Variants in MICAL2 observed in about 807,000 individuals in gnomAD.
MICAL2 encodes microtubule associated monooxygenase, calponin and LIM domain containing 2, also known as [F-actin]-monooxygenase MICAL2.
Under a neutral mutation model 127.3 loss-of-function variants are expected in MICAL2, and 77 were observed. The observed-to-expected ratio is 0.60, with a 90% CI of 0.50 to 0.73. The LOEUF (loss-of-function observed/expected upper bound fraction) is 0.73, where lower values mean the gene tolerates loss of function less well. Among genes scored for constraint, MICAL2 ranks in the 30% least tolerant of loss-of-function variants. The pLI is 0.00. For missense variants in MICAL2, 1,351 were observed against 1,434.4 expected, an observed-to-expected ratio of 0.94 and a Z score of 0.94; for synonymous variants, 570 against 551.1, an observed-to-expected ratio of 1.03 and a Z score of -0.48.
In MICAL2 at chr11:12,256,781, C is replaced by T; in HGVS notation, c.2956-4C>T. ...TACACCCACTCTTCTCTCCCGATCC[C>T]CAGGAATCTATGCGAAAGTCATTTC... is the stretch of plus-strand genomic sequence containing the variant. On this transcript the variant is annotated splice_polypyrimidine_tract_variant and splice_region_variant and intron_variant, in intron 23 of 27. Transcript: ENST00000683283. 6.2e-7 allele frequency: 1 copy of T among 1,607,430 alleles called. No homozygotes were observed. Among genetic ancestry groups the T allele is most frequent in the African/African-American group, 1.3e-5 (1 of 74,976 alleles).
chr11:12,292,938 G>C (rs1424767300), downstream of MICAL2, among the ~76,000 whole-genome samples: 1 of 152,106 alleles, frequency 6.6e-6, no homozygotes, highest in Non-Finnish European at 1.5e-5. Context: ...TCTTTGCCAA[G>C]GGCCAAGTTC....
At chr11:12,156,474 C>T (rs937916775) in intron 2 of MICAL2, among the ~76,000 whole-genome samples, 2 of 152,130 alleles carry the variant, frequency 1.3e-5, no homozygotes, top group Non-Finnish European at 2.9e-5. Context: ...GAGCAGGCAG[C>T]CCCAGGAGGC....
intron 2 of MICAL2, among the ~76,000 whole-genome samples, chr11:12,140,469 A>C (rs1852240751): frequency 6.6e-6 from 1 of 151,408 alleles, no homozygotes; most frequent in Admixed American, 6.6e-5. Flanking sequence ...GAGCTCAATA[A>C]ACACTTGTGG....
At chr11:12,241,680 A>T (rs945552197) in intron 18 of MICAL2, among the ~76,000 whole-genome samples, 1 of 152,180 alleles carries the variant, frequency 6.6e-6, no homozygotes, top group African/African-American at 2.4e-5. Context: ...AGTGCTCCTG[A>T]GTTTGGAATC....
chr11:12,308,354 G>A (rs1214770254), intron 29 of MICAL2: 1 of 152,194 alleles, frequency 6.6e-6, no homozygotes, highest in African/African-American at 2.4e-5. Context: ...CTATAGATCA[G>A]TTTGGGATAA....
intron 34 of MICAL2, among the ~76,000 whole-genome samples, chr11:12,357,859 A>G (rs1217937488): frequency 2.0e-5 from 3 of 152,134 alleles, no homozygotes; most frequent in Admixed American, 2.0e-4. Context: ...AAAGAAAAAA[A>G]AGATTGTGGT....
rs531458530 is a variant in MICAL2 at position 12,145,950 on chromosome 11, T to C, written c.-78+7490T>C. Among the ~76,000 whole-genome samples the C allele has an allele frequency of 3.3e-5, 5 of 152,344 alleles. No individual in the cohort carries two copies. In the East Asian group the frequency reaches 9.6e-4, roughly 29 times the overall value. ...ACAACAAAGCTTCTGTAATTGTATA[T>C]CAGGAAATTAATCCTGAAATTGGTG... On this transcript the variant is annotated intron_variant, in intron 2 of 27. Coordinates refer to ENST00000683283, the MANE Select transcript of MICAL2 (RefSeq NM_001282663.2).
intron 32 of MICAL2, among the ~76,000 whole-genome samples, chr11:12,348,307 G>T (rs1938989424): frequency 6.6e-6 from 1 of 152,152 alleles, no homozygotes; most frequent in African/African-American, 2.4e-5. Flanking sequence ...TTGAAGTGCA[G>T]CAAATTTGTG....
At chr11:12,294,411 C>T (rs770891212), downstream of MICAL2, 1 of 1,614,222 alleles carries the variant, frequency 6.2e-7, no homozygotes, top group South Asian at 1.1e-5. Context: ...GACCAGCATT[C>T]CCCTGGGAGA....
intron 30 of MICAL2, among the ~76,000 whole-genome samples, chr11:12,320,242 T>C (rs1456187599): frequency 3.3e-5 from 5 of 152,328 alleles, no homozygotes; most frequent in East Asian, 1.9e-4. Context: ...AAATGAACCA[T>C]GCAGTTGCAT....
intron 22 of MICAL2, among the ~76,000 whole-genome samples, chr11:12,250,791 A>G (rs529263990): frequency 6.6e-6 from 1 of 152,336 alleles, no homozygotes; most frequent in South Asian, 2.1e-4. Context: ...AGATTGTCCA[A>G]CTTTGCATTT....
rs182084701 is a variant in MICAL2, at chr11:12,211,998, C to A, written c.692-1257C>A. Among the ~76,000 whole-genome samples, 16 of 152,290 alleles carry A rather than the reference C, an allele frequency of 1.1e-4. 1 individual carries two copies. In the East Asian group the frequency reaches 3.1e-3, roughly 29 times the overall value. On this transcript the variant is annotated intron_variant, in intron 6 of 27. Transcript: ENST00000683283. ...CCTTCATCCAACCCAGAACTCAGGG[C>A]CTGGATCCCCCTGCATGGTCCATGT... is the stretch of plus-strand genomic sequence containing the variant.
intron 32 of MICAL2, among the ~76,000 whole-genome samples, chr11:12,338,355 C>A (rs962770047): frequency 6.6e-6 from 1 of 152,118 alleles, no homozygotes; most frequent in South Asian, 2.1e-4. Context: ...TGTCTCTGCA[C>A]GTGAAATGGG....
chr11:12,294,848 G>A (rs1863965124), downstream of MICAL2: 17 of 1,348,832 alleles, frequency 1.3e-5, no homozygotes, highest in Non-Finnish European at 1.6e-5. Context: ...TCCTACAGCG[G>A]GAGGTGCAGG....
chr11:12,283,210 C>A (rs1863790448), intron 2 of MICAL2, among the ~76,000 whole-genome samples: 1 of 151,976 alleles, frequency 6.6e-6, no homozygotes, highest in African/African-American at 2.4e-5. Context: ...CAGGGTTGAC[C>A]CTTTGTGTGG....
At chr11:12,329,862 G>A (rs1316330337) in intron 32 of MICAL2, among the ~76,000 whole-genome samples, 93 of 121,892 alleles carry the variant, frequency 7.6e-4, no homozygotes, top group East Asian at 1.7e-3. Context: ...CCCCAAATAT[G>A]AAAAAAAAAA....
intron 26 of MICAL2, chr11:12,261,999 C>T (rs571797125): frequency 1.1e-5 from 11 of 1,000,312 alleles, no homozygotes; most frequent in East Asian, 1.0e-4. Flanking sequence ...CCATGAAGCC[C>T]GAGTCGGAAT....
chr11:12,321,199 G>A (rs2134841574), intron 30 of MICAL2, among the ~76,000 whole-genome samples: 1 of 152,300 alleles, frequency 6.6e-6, no homozygotes, highest in Non-Finnish European at 1.5e-5. Flanking sequence ...AGGTGGTAAA[G>A]CATGCCCGCT....
intron 32 of MICAL2, among the ~76,000 whole-genome samples, chr11:12,348,418 C>G (rs372372580): frequency 3.5e-4 from 54 of 152,114 alleles, no homozygotes; most frequent in African/African-American, 1.3e-3. Context: ...GCTGACCATA[C>G]TGTGTCATTA....
Sources: gnomAD v4.1 joint callset for allele counts (sites outside exome capture counted in the v4.1 genomes callset) on GRCh38, gnomAD v4.1.1 for gene constraint, MANE v1.5 for transcripts, NCBI Gene and HGNC (gene_info 2026-07-23, HGNC 2026-07-21) for gene names.